Variants in TRPM4 observed in about 807,000 individuals in gnomAD.
The protein encoded by TRPM4 is transient receptor potential cation channel subfamily M member 4.
Under a neutral mutation model 135.6 loss-of-function variants are expected in TRPM4, and 124 were observed. The observed-to-expected ratio is 0.91, with a 90% confidence interval of 0.79 to 1.06. The LOEUF (loss-of-function observed/expected upper bound fraction) is 1.06. TRPM4 is among the 50% of genes least tolerant of loss of function. The pLI is 0.00. For missense variants in TRPM4, 1,658 were observed against 1,671.4 expected (o/e 0.99, Z 0.14); for synonymous variants, 745 against 705.6 (o/e 1.06, Z -0.88).
chr19:49,188,283 C>T (rs1968270765), intron 12 of TRPM4, among the ~76,000 whole-genome samples: 1 of 152,116 alleles, frequency 6.6e-6, no homozygotes, highest in Admixed American at 6.6e-5. Flanking sequence ...TCATAATTTT[C>T]TCAGTTATCA....
At chr19:49,165,465 C>T (rs1367309235) in intron 2 of TRPM4, among the ~76,000 whole-genome samples, 1 of 152,132 alleles carries the variant, frequency 6.6e-6, no homozygotes, top group Admixed American at 6.5e-5. Context: ...GTGTGAAGTT[C>T]GTGTCGCGTT....
At chr19:49,174,743 C>G (rs1460304651) in intron 9 of TRPM4, among the ~76,000 whole-genome samples, 1 of 94,530 alleles carries the variant, frequency 1.1e-5, no homozygotes, top group Admixed American at 1.3e-4. Context: ...GACTCTGTCT[C>G]AAAAAAAAAA....
At chr19:49,168,521 G>A in intron 5 of TRPM4, 32 bp from the exon 6 acceptor site, 1 of 1,613,838 alleles carries the variant, frequency 6.2e-7, no homozygotes, top group Non-Finnish European at 8.5e-7. Flanking sequence ...CCCCGATGAG[G>A]AGACGCCCTG....
In TRPM4 at chr19:49,210,704, CT is replaced by C; in HGVS notation, c.3329-5del. The C allele has an allele frequency of 6.2e-7, 1 of 1,614,118 alleles. No homozygotes were observed. Among genetic ancestry groups the C allele is most frequent in the South Asian group, 1.1e-5 (1 of 91,030 alleles). On this transcript the variant is annotated splice_region_variant and splice_polypyrimidine_tract_variant and intron_variant, in intron 21 of 24. Transcript: ENST00000252826. This position sits in a 1 kb window ranked among gnomAD's most constrained non-coding sequence, Gnocchi z 4.1. ...CTGAGCCCTTTGACTCCGCCCGCCCCTGCAGGGGTTTACCTTTCTAAGGAAG... is the reference window on the plus strand; with the variant it reads ...CTGAGCCCTTTGACTCCGCCCGCCCCGCAGGGGTTTACCTTTCTAAGGAAG...
intron 20 of TRPM4, among the ~76,000 whole-genome samples, chr19:49,206,053 T>TAA (rs1969138594): frequency 1.3e-5 from 2 of 152,262 alleles, no homozygotes; most frequent in Middle Eastern, 3.4e-3. Context: ...ATCCGCATCC[T>TAA]GGATTCAAAC....
intron 20 of TRPM4, among the ~76,000 whole-genome samples, chr19:49,203,686 G>T (rs1197474022): frequency 6.6e-6 from 1 of 152,142 alleles, no homozygotes; most frequent in Non-Finnish European, 1.5e-5. Flanking sequence ...TAGTCTAGAT[G>T]TTTCATGTAA....
chr19:49,172,021 A>G lies in TRPM4; in HGVS notation c.1063A>G (p.Met355Val). The G allele has an allele frequency of 1.9e-6, 3 of 1,613,964 alleles. No individual in the cohort carries two copies. The highest frequency in any genetic ancestry group is 2.5e-6 in the Non-Finnish European group (3 of 1,179,880). Residue 355 changes from methionine to valine, a missense_variant, in exon 9 of 25, where the codon ATG (methionine) becomes GTG (valine). Transcript: ENST00000252826. ...EVLQAQVERIMTRKELLTVYS... is the reference protein window; with the variant it reads ...EVLQAQVERIVTRKELLTVYS... The stretch of plus-strand genomic sequence containing the variant: ...GGCTATTCCACAGGTGGAGAGGATT[A>G]TGACCCGGAAGGAGCTCCTGACAGT...
intron 2 of TRPM4, 56 bp downstream of exon 2, chr19:49,158,315 C>A: frequency 1.3e-6 from 2 of 1,493,840 alleles, no homozygotes; most frequent in Non-Finnish European, 1.9e-6. Context: ...CTGACCCCGC[C>A]CGCGGATGGT....
intron 9 of TRPM4, among the ~76,000 whole-genome samples, chr19:49,172,770 A>G (rs1967516425): frequency 6.7e-6 from 1 of 150,042 alleles, no homozygotes; most frequent in Admixed American, 6.6e-5. Flanking sequence ...TCTTCCATCC[A>G]TCCATCTTCT....
At chr19:49,163,604 G>A (rs934998394) in intron 2 of TRPM4, among the ~76,000 whole-genome samples, 3 of 152,074 alleles carry the variant, frequency 2.0e-5, no homozygotes, top group African/African-American at 4.8e-5. Flanking sequence ...TGATCCTCCT[G>A]CTACAGCCTC....
chr19:49,201,745 G>C (rs1249714426), intron 19 of TRPM4, among the ~76,000 whole-genome samples: 1 of 152,074 alleles, frequency 6.6e-6, no homozygotes, highest in South Asian at 2.1e-4. Context: ...CTACAGGCGC[G>C]TGCCACCACG....
At chr19:49,158,034 TG>T in intron 1 of TRPM4, 144 bp downstream of exon 1, 8 of 1,273,340 alleles carry the variant, frequency 6.3e-6, no homozygotes, top group Non-Finnish European at 5.6e-6. Flanking sequence ...GTCCAGGGCA[TG>T]GGGGTCGAGA....
At chr19:49,180,428 C>CTCTG (rs1035495255) in intron 9 of TRPM4, among the ~76,000 whole-genome samples, 6 of 131,242 alleles carry the variant, frequency 4.6e-5, no homozygotes, top group Non-Finnish European at 9.7e-5. Flanking sequence ...TCATCATCTG[C>CTCTG]TGTGTGTGTG....
chr19:49,202,293 C>A, intron 20 of TRPM4, 152 bp downstream of exon 20: 1 of 920,482 alleles, frequency 1.1e-6, no homozygotes, highest in Non-Finnish European at 1.7e-6. Flanking sequence ...CCAGACCCTG[C>A]TTGTAATTTG....
chr19:49,183,177 A>G lies in TRPM4; in HGVS notation c.1708A>G (p.Asn570Asp), dbSNP rs1368345297. The change falls in exon 12 of 25, where the codon AAC becomes GAC. Residue 570 changes from asparagine (N) to aspartate (D), a missense_variant. Physicochemically the swap from Asn to Asp is conservative, Grantham distance 23. Coordinates refer to ENST00000252826, the MANE Select transcript of TRPM4 (RefSeq NM_017636.4). ...SDLLLWALLLNRAQMAMYFWE... is the reference protein window; with the variant it reads ...SDLLLWALLLDRAQMAMYFWE... The stretch of plus-strand genomic sequence containing the variant: ...CCTGCTTCTTTGGGCACTGTTGCTG[A>G]ACAGGGCACAGATGGCCATGTACTT... 1 of 1,614,122 alleles carries G rather than the reference A, an allele frequency of 6.2e-7. No individual in the cohort carries two copies. Among genetic ancestry groups the G allele is most frequent in the Admixed American group, 1.7e-5 (1 of 60,020 alleles).
chr19:49,196,653 GC>G lies in TRPM4; in HGVS notation c.2426del (p.Pro809ArgfsTer25). The G allele has an allele frequency of 6.5e-7, 1 of 1,546,606 alleles. No homozygotes were observed. The highest frequency in any genetic ancestry group is 8.7e-7 in the Non-Finnish European group (1 of 1,149,640). On this transcript the variant is annotated frameshift_variant, in exon 17 of 25. Coordinates refer to ENST00000252826, the MANE Select transcript of TRPM4 (RefSeq NM_017636.4). LOFTEE classifies it high-confidence loss of function. Reference sequence around the variant, plus strand: ...TGCTGCTCGTGGATTTCCAGCCGGCGCCGCCCGGCTCCCTGGAGCTGCTGCT... The same window carrying G: ...TGCTGCTCGTGGATTTCCAGCCGGCGCGCCCGGCTCCCTGGAGCTGCTGCT... ...RVLLVDFQPAPPGSLELLLYF... is the reference protein window; with the variant it reads ...RVLLVDFQPAXPGSLELLLYF...
chr19:49,186,069 A>T (rs1968186276), intron 12 of TRPM4, among the ~76,000 whole-genome samples: 1 of 152,156 alleles, frequency 6.6e-6, no homozygotes, highest in Non-Finnish European at 1.5e-5. Context: ...GACTTCTCTA[A>T]ACCTTTTTTG....
chr19:49,198,589 A>G (rs578253830), intron 17 of TRPM4, among the ~76,000 whole-genome samples: 2 of 149,394 alleles, frequency 1.3e-5, no homozygotes, highest in African/African-American at 2.5e-5. Context: ...CGGAGGTTGC[A>G]GTGAGCCAAG....
chr19:49,207,569 G>A (rs1969194435), intron 20 of TRPM4, among the ~76,000 whole-genome samples: 1 of 148,690 alleles, frequency 6.7e-6, no homozygotes, highest in African/African-American at 2.5e-5. Context: ...GGTCAAGGCT[G>A]TGGCTTCAGT....
Sources: allele counts gnomAD v4.1 joint callset (sites outside exome capture counted in the v4.1 genomes callset), GRCh38; gene constraint gnomAD v4.1.1; non-coding constraint Gnocchi (gnomAD v3.1); transcripts MANE v1.5; gene names NCBI Gene and HGNC (gene_info 2026-07-23, HGNC 2026-07-21).